WDR25: variants seen among roughly 807,000 people sequenced by gnomAD.
WDR25 encodes the protein WD repeat-containing protein 25.
In WDR25, 35 loss-of-function variants were observed where a neutral mutation model predicts 47.7. The ratio of observed to expected loss-of-function variants is 0.73; its 90% CI spans 0.56 to 0.97. The LOEUF is 0.97. WDR25 is among the 50% of genes least tolerant of loss of function. The probability of loss-of-function intolerance (pLI) is 0.00; values close to 1 mark genes in which losing one functional copy is unlikely to be tolerated. For synonymous variants in WDR25, 248 were observed against 278.9 expected (o/e 0.89, Z 1.10); for missense variants, 634 against 704.7 (o/e 0.90, Z 1.14).
intron 4 of WDR25, among the ~76,000 whole-genome samples, chr14:100,516,271 A>G (rs941305087): frequency 1.3e-5 from 2 of 152,256 alleles, no homozygotes; most frequent in South Asian, 2.1e-4. Flanking sequence ...TGAGTACTCT[A>G]TCCAATGCCA....
At position 100,476,859 on chromosome 14, in the gene WDR25, A is replaced by G. The variant is rs1381504169; in HGVS notation, c.971-7135A>G. Among the ~76,000 whole-genome samples, 3 of 152,142 alleles carry G rather than the reference A, an allele frequency of 2.0e-5. No individual in the cohort carries two copies. The East Asian group carries it at 5.8e-4, about 29-fold the overall frequency. On this transcript the variant is annotated intron_variant, in intron 3 of 6. Coordinates refer to ENST00000402312, the MANE Select transcript of WDR25 (RefSeq NM_001161476.3). ...CTCTGAGCTCCCTGGAGAGGGGGGC[A>G]TGAGCTTCTCTTTTCTCTCCTGGAG... is the stretch of plus-strand genomic sequence containing the variant.
At chr14:100,391,400 T>C (rs1257231532) in intron 2 of WDR25, among the ~76,000 whole-genome samples, 1 of 152,188 alleles carries the variant, frequency 6.6e-6, no homozygotes, top group Non-Finnish European at 1.5e-5. Flanking sequence ...GCAGCCAGCT[T>C]CGTGATGCTC....
At position 100,399,243 on chromosome 14, in the gene WDR25, G is replaced by C. The variant is rs946000110; in HGVS notation, c.822+17497G>C. ...ATCGGATAATTGAGTGTGTCTTGAG[G>C]CAGTAACTGAGTTGAAATGTGTTGC... On this transcript the variant is annotated intron_variant, in intron 2 of 6. Coordinates refer to ENST00000402312, the MANE Select transcript of WDR25 (RefSeq NM_001161476.3). Among the ~76,000 whole-genome samples, 4 of 152,134 alleles carry C rather than the reference G, an allele frequency of 2.6e-5. No individual in the cohort carries two copies. In the South Asian group the frequency reaches 6.2e-4, roughly 24 times the overall value.
chr14:100,484,585 T>C (rs931956040), intron 4 of WDR25, among the ~76,000 whole-genome samples: 2 of 152,080 alleles, frequency 1.3e-5, no homozygotes, highest in African/African-American at 4.8e-5. Context: ...GAATCACTTT[T>C]CCTCAGTCTT....
At chr14:100,507,636 T>C (rs1315086485) in intron 4 of WDR25, among the ~76,000 whole-genome samples, 2 of 151,830 alleles carry the variant, frequency 1.3e-5, no homozygotes, top group Non-Finnish European at 2.9e-5. Context: ...GTTAGATGTA[T>C]TCCTAGGTAT....
chr14:100,405,623 G>T (rs1181920175), intron 2 of WDR25, among the ~76,000 whole-genome samples: 1 of 152,234 alleles, frequency 6.6e-6, no homozygotes, highest in Non-Finnish European at 1.5e-5. Flanking sequence ...TTGGGAGCCT[G>T]CTTGGAGGCC....
At position 100,479,953 on chromosome 14, in the gene WDR25, G is replaced by A. The variant is rs547509693; in HGVS notation, c.971-4041G>A. Among the ~76,000 whole-genome samples the A allele has an allele frequency of 7.9e-5, 12 of 152,304 alleles. No homozygotes were observed. The East Asian group carries it at 2.3e-3, about 29-fold the overall frequency. On this transcript the variant is annotated intron_variant, in intron 3 of 6. Coordinates refer to ENST00000402312, the MANE Select transcript of WDR25 (RefSeq NM_001161476.3). ...ATGCCTGGTGATCTGAGGTGGGACAGTTTCATCCCGAAAGCACCCCCATCG... is the reference window on the plus strand; with the variant it reads ...ATGCCTGGTGATCTGAGGTGGGACAATTTCATCCCGAAAGCACCCCCATCG...
rs369245135 is a variant in WDR25 at position 100,405,373 on chromosome 14, C to T, written c.822+23627C>T. On this transcript the variant is annotated intron_variant, in intron 2 of 6. Coordinates refer to ENST00000402312, the MANE Select transcript of WDR25 (RefSeq NM_001161476.3). ...ACGGGGTTTGTCCATGTAGGCCAGG[C>T]TGGTCTCCAACTCCCGACCTCAGGT... Among the ~76,000 whole-genome samples, 199 of 152,042 alleles carry T rather than the reference C, an allele frequency of 1.3e-3. 1 individual carries two copies. The highest frequency in any genetic ancestry group is 4.4e-3 in the African/African-American group (181 of 41,446).
At chr14:100,395,972 G>GTTTTTTT (rs575737706) in intron 2 of WDR25, among the ~76,000 whole-genome samples, 7 of 117,256 alleles carry the variant, frequency 6.0e-5, no homozygotes, top group African/African-American at 1.3e-4. Context: ...TCTGTGAAAT[G>GTTTTTTT]TTTTTTTTTT....
chr14:100,386,296 G>T (rs1897015306), intron 2 of WDR25, among the ~76,000 whole-genome samples: 1 of 152,268 alleles, frequency 6.6e-6, no homozygotes, highest in South Asian at 2.1e-4. Flanking sequence ...AACATGAGGG[G>T]CCTCCCTGGT....
intron 4 of WDR25, among the ~76,000 whole-genome samples, chr14:100,519,281 G>C (rs1901617153): frequency 6.6e-6 from 1 of 151,864 alleles, no homozygotes; most frequent in Admixed American, 6.6e-5. Context: ...GAGAGAGAGA[G>C]AGAGAGAGAT....
At chr14:100,393,736 A>G (rs565214185) in intron 2 of WDR25, among the ~76,000 whole-genome samples, 5 of 152,166 alleles carry the variant, frequency 3.3e-5, no homozygotes, top group African/African-American at 1.2e-4. Context: ...GTTGGAGCCC[A>G]TGTTGCTGGA....
At chr14:100,522,603 A>G (rs1380701216) in intron 4 of WDR25, among the ~76,000 whole-genome samples, 1 of 152,192 alleles carries the variant, frequency 6.6e-6, no homozygotes, top group Non-Finnish European at 1.5e-5. Context: ...GGGGAGGAGA[A>G]GGTTTACAAG....
chr14:100,461,685 T>C (rs1899418885), intron 2 of WDR25, among the ~76,000 whole-genome samples: 1 of 152,184 alleles, frequency 6.6e-6, no homozygotes, highest in Non-Finnish European at 1.5e-5. Flanking sequence ...CACAGGCTTG[T>C]GCTGAACTGT....
intron 1 of WDR25, among the ~76,000 whole-genome samples, chr14:100,377,046 T>C (rs887010507): frequency 6.6e-6 from 1 of 152,232 alleles, no homozygotes; most frequent in Non-Finnish European, 1.5e-5. Flanking sequence ...TCCATCTTAC[T>C]GTCTGTTCCT....
intron 4 of WDR25, among the ~76,000 whole-genome samples, chr14:100,494,462 T>C (rs558135565): frequency 6.6e-6 from 1 of 152,358 alleles, no homozygotes; most frequent in Admixed American, 6.5e-5. Context: ...AGCTATGTTT[T>C]TTGCCTTTTA....
intron 2 of WDR25, among the ~76,000 whole-genome samples, chr14:100,458,850 C>T (rs1899287588): frequency 6.6e-6 from 1 of 152,050 alleles, no homozygotes; most frequent in Non-Finnish European, 1.5e-5. Flanking sequence ...GAATGGAATG[C>T]AAATGAAAAC....
In WDR25 at chr14:100,470,422, G is replaced by A. The variant is rs561109957; in HGVS notation, c.970+2254G>A. Among the ~76,000 whole-genome samples, 9 of 152,322 alleles carry A rather than the reference G, an allele frequency of 5.9e-5. 1 individual carries two copies. In the East Asian group the frequency reaches 1.7e-3, roughly 29 times the overall value. On this transcript the variant is annotated intron_variant, in intron 3 of 6. Coordinates refer to ENST00000402312, the MANE Select transcript of WDR25 (RefSeq NM_001161476.3). The stretch of plus-strand genomic sequence containing the variant: ...ATCAAATTCATTTGATGGCATTGAT[G>A]GGTTCATAGTGGCCCTTAAGCATTA...
Position 100,407,935 on chromosome 14 carries a change from G to A in WDR25, c.822+26189G>A, listed in dbSNP as rs1897591601. Reference sequence around the variant, plus strand: ...AATGACCCTTGACTCCTATCCTGATGGGAGTGGGAGAGGGTGCAAGAACTG... The same window carrying A: ...AATGACCCTTGACTCCTATCCTGATAGGAGTGGGAGAGGGTGCAAGAACTG... On this transcript the variant is annotated intron_variant, in intron 2 of 6. Transcript: ENST00000402312. The surrounding 1 kb of genome is among the most constrained non-coding windows in gnomAD (Gnocchi z 4.1). Among the ~76,000 whole-genome samples, 1 of 152,182 alleles carries A rather than the reference G, an allele frequency of 6.6e-6. No homozygotes were observed. The highest frequency in any genetic ancestry group is 2.4e-5 in the African/African-American group (1 of 41,444).
Sources: allele counts gnomAD v4.1 joint callset (sites outside exome capture counted in the v4.1 genomes callset), GRCh38; gene constraint gnomAD v4.1.1; non-coding constraint Gnocchi (gnomAD v3.1); transcripts MANE v1.5; gene names NCBI Gene and HGNC (gene_info 2026-07-23, HGNC 2026-07-21).